Variants in BICC1 observed in about 807,000 individuals in gnomAD.
The protein encoded by BICC1 is BicC family RNA binding protein 1, also known as protein bicaudal C homolog 1.
BICC1 carries 43 observed loss-of-function variants against 111.0 expected under a neutral mutation model. That is an observed-to-expected ratio of 0.39 (90% CI 0.30 to 0.50). The LOEUF (loss-of-function observed/expected upper bound fraction) is 0.50. BICC1 is among the 20% of genes least tolerant of loss of function. The pLI, the probability that BICC1 is intolerant of heterozygous loss-of-function variation, is 0.88. For synonymous variants in BICC1, 467 were observed against 434.4 expected, an observed-to-expected ratio of 1.07 and a Z score of -0.93; for missense variants, 1,091 against 1,203.2, an observed-to-expected ratio of 0.91 and a Z score of 1.38.
rs901940296 is a variant in BICC1 at position 58,743,768 on chromosome 10, T to C, written c.308-41233T>C. Among the ~76,000 whole-genome samples, 6 of 55,584 alleles carry C rather than the reference T, an allele frequency of 1.1e-4. No homozygotes were observed. The Admixed American group carries it at 1.5e-3, about 14-fold the overall frequency. 36.5% of individuals were successfully genotyped at this position (55,584 alleles called of 152,430 possible). On this transcript the variant is annotated intron_variant, in intron 3 of 20. Transcript: ENST00000373886. ...AGTCTTTTCAGAGTGAAGTTAATAGTTTTCTTTTCTTTTTTTTTTTTTTTA... is the reference window on the plus strand; with the variant it reads ...AGTCTTTTCAGAGTGAAGTTAATAGCTTTCTTTTCTTTTTTTTTTTTTTTA...
At chr10:58,622,137 G>T (rs187524440) in intron 2 of BICC1, among the ~76,000 whole-genome samples, 1 of 151,672 alleles carries the variant, frequency 6.6e-6, no homozygotes, top group African/African-American at 2.4e-5. Flanking sequence ...AGCCATGATC[G>T]TGCCACTGCA....
chr10:58,637,364 C>T (rs1588956733), intron 2 of BICC1, among the ~76,000 whole-genome samples: 1 of 152,122 alleles, frequency 6.6e-6, no homozygotes, highest in African/African-American at 2.4e-5. Flanking sequence ...AAAGAATTAT[C>T]AGGGTAAACT....
chr10:58,592,728 A>G (rs1057393133), intron 1 of BICC1, among the ~76,000 whole-genome samples: 121 of 151,016 alleles, frequency 8.0e-4, no homozygotes, highest in African/African-American at 2.9e-3. Flanking sequence ...AAAAAAAAAA[A>G]TAGCTGGGCC....
chr10:58,571,295 A>G (rs1157229836), intron 1 of BICC1, among the ~76,000 whole-genome samples: 6 of 152,110 alleles, frequency 3.9e-5, no homozygotes, highest in Admixed American at 2.0e-4. Context: ...GCAGTTAGAT[A>G]ATCAGGTTTT....
chr10:58,558,770 T>C (rs1843525403), intron 1 of BICC1, among the ~76,000 whole-genome samples: 1 of 152,026 alleles, frequency 6.6e-6, no homozygotes, highest in Non-Finnish European at 1.5e-5. Flanking sequence ...AAGTCCAAGA[T>C]CAAGGTGCTA....
chr10:58,662,747 G>A (rs1838883605), intron 2 of BICC1, among the ~76,000 whole-genome samples: 1 of 152,090 alleles, frequency 6.6e-6, no homozygotes, highest in African/African-American at 2.4e-5. Context: ...CCTAATAAAT[G>A]TATAACAAAA....
At chr10:58,721,274 C>G (rs1299208286) in intron 3 of BICC1, among the ~76,000 whole-genome samples, 1 of 152,158 alleles carries the variant, frequency 6.6e-6, no homozygotes, top group Admixed American at 6.5e-5. Context: ...TCCTCACTTC[C>G]TAACTTATGC....
intron 2 of BICC1, among the ~76,000 whole-genome samples, chr10:58,682,227 A>G (rs1259273822): frequency 1.3e-5 from 2 of 152,076 alleles, no homozygotes; most frequent in Non-Finnish European, 2.9e-5. Context: ...ATAGTATTCC[A>G]TGGTGTATAT....
intron 3 of BICC1, among the ~76,000 whole-genome samples, chr10:58,767,832 G>T (rs1842500212): frequency 1.3e-5 from 2 of 151,914 alleles, no homozygotes; most frequent in Admixed American, 1.3e-4. Flanking sequence ...AATGAAAAAT[G>T]CATCAGAGAG....
At chr10:58,608,011 T>C (rs930368) in intron 1 of BICC1, among the ~76,000 whole-genome samples, 117,456 of 152,090 alleles carry the variant, frequency 0.77, 45,765 homozygotes, top group East Asian at 0.98. Flanking sequence ...GAAGCAGTAG[T>C]GTAGATATGT....
rs576834967 is a variant in BICC1, at chr10:58,648,650, T to C, written c.237+27749T>C. ...GACACACACAGAGGATCTCATATCT[T>C]TAGGCATCAGAACGCTAAGGTACAG... On this transcript the variant is annotated intron_variant, in intron 2 of 20. Transcript: ENST00000373886. 287 of 985,224 alleles carry C rather than the reference T, an allele frequency of 2.9e-4. No homozygotes were observed. The African/African-American group carries it at 4.7e-3, about 16-fold the overall frequency. 61.0% of individuals were successfully genotyped at this position (985,224 alleles called of 1,614,324 possible). A position where few individuals can be genotyped will look rare whatever the true frequency, so the allele number is the denominator to read the frequency against.
intron 2 of BICC1, among the ~76,000 whole-genome samples, chr10:58,665,805 C>G (rs1169776760): frequency 6.6e-6 from 1 of 152,184 alleles, no homozygotes; most frequent in East Asian, 1.9e-4. Context: ...AATGCTGGCT[C>G]TAGCCCTAAT....
At chr10:58,521,921 C>T (rs1003528951) in intron 1 of BICC1, among the ~76,000 whole-genome samples, 1 of 151,506 alleles carries the variant, frequency 6.6e-6, no homozygotes, top group Non-Finnish European at 1.5e-5. Context: ...GAGATGGTCC[C>T]AGGATCACAC....
chr10:58,817,848 G>A (rs1299188092), intron 19 of BICC1, 126 bp downstream of exon 19: 1 of 954,352 alleles, frequency 1.0e-6, no homozygotes, highest in Non-Finnish European at 1.5e-6. Flanking sequence ...CTCATAGCTT[G>A]TCCTTGCTAC....
intron 18 of BICC1, among the ~76,000 whole-genome samples, chr10:58,816,260 AC>A (rs1403819362): frequency 1.3e-5 from 2 of 151,952 alleles, no homozygotes; most frequent in Non-Finnish European, 2.9e-5. Context: ...GTCACCTTTG[AC>A]CCGGTACCTC....
At chr10:58,750,258 A>G (rs1452394108) in intron 3 of BICC1, among the ~76,000 whole-genome samples, 1 of 152,168 alleles carries the variant, frequency 6.6e-6, no homozygotes, top group Non-Finnish European at 1.5e-5. Flanking sequence ...TGGACCCATG[A>G]TGGCCAGTTG....
chr10:58,785,364 C>T (rs761169936), intron 4 of BICC1, among the ~76,000 whole-genome samples: 1 of 151,986 alleles, frequency 6.6e-6, no homozygotes, highest in Non-Finnish European at 1.5e-5. Flanking sequence ...TATATGTATA[C>T]ATGTACATAT....
chr10:58,807,714 T>C (rs983573262), intron 17 of BICC1, among the ~76,000 whole-genome samples: 9 of 152,148 alleles, frequency 5.9e-5, no homozygotes, highest in African/African-American at 2.2e-4. Context: ...TCCTACCATA[T>C]GGAAGGGATG....
intron 8 of BICC1, among the ~76,000 whole-genome samples, chr10:58,790,607 C>T (rs564217316): frequency 6.6e-6 from 1 of 152,112 alleles, no homozygotes; most frequent in Non-Finnish European, 1.5e-5. Context: ...GTGGGCAGAT[C>T]ACTTGAGGTC....
Sources: allele counts gnomAD v4.1 joint callset (sites outside exome capture counted in the v4.1 genomes callset), GRCh38; gene constraint gnomAD v4.1.1; transcripts MANE v1.5; gene names NCBI Gene and HGNC (gene_info 2026-07-23, HGNC 2026-07-21).